Variants in NXPH1 observed in about 807,000 individuals in gnomAD.
The protein encoded by NXPH1 is neurexophilin 1.
In NXPH1, 5 loss-of-function variants were observed where a neutral mutation model predicts 23.7. That is an observed-to-expected ratio of 0.21 (90% confidence interval 0.11 to 0.44). NXPH1 has a LOEUF of 0.44. Among genes scored for constraint, NXPH1 ranks in the 20% least tolerant of loss-of-function variants. The pLI, the probability that NXPH1 is intolerant of heterozygous loss-of-function variation, is 0.99. For synonymous variants in NXPH1, 144 were observed against 122.2 expected (o/e 1.18, Z -1.18); for missense variants, 324 against 321.6 (o/e 1.01, Z -0.06).
chr7:8,471,173 T>C (rs1324582115), intron 2 of NXPH1, among the ~76,000 whole-genome samples: 1 of 152,136 alleles, frequency 6.6e-6, no homozygotes, highest in Non-Finnish European at 1.5e-5. Flanking sequence ...CTGCCGAGTT[T>C]AGCGTCTCAA....
At chr7:8,655,098 C>T (rs1447275773) in intron 2 of NXPH1, among the ~76,000 whole-genome samples, 2 of 152,038 alleles carry the variant, frequency 1.3e-5, no homozygotes, top group African/African-American at 2.4e-5. Flanking sequence ...TGAAAAAATA[C>T]AGGTGGCTGG....
intron 2 of NXPH1, among the ~76,000 whole-genome samples, chr7:8,679,573 C>T (rs889185795): frequency 1.3e-4 from 20 of 151,716 alleles, no homozygotes; most frequent in Middle Eastern, 6.8e-3. Flanking sequence ...CTCAATGTTT[C>T]TTTGTCACAA....
chr7:8,511,056 T>A (rs1202248684), intron 2 of NXPH1, among the ~76,000 whole-genome samples: 1 of 152,130 alleles, frequency 6.6e-6, no homozygotes, highest in East Asian at 1.9e-4. Context: ...AGAAAAACCT[T>A]ATTTTAAGTA....
rs771211259 is a variant in NXPH1 at position 8,751,251 on chromosome 7, C to T, written c.298C>T (p.Pro100Ser). The part of the protein sequence containing the change: ...WLRNSTDLQE[P>S]RPRAKRRPIV... ...GAGGAACTCCACAGACCTTCAAGAG[C>T]CTCGGCCCAGGGCCAAGAGAAGGCC... Residue 100 changes from proline (P) to serine (S), a missense_variant, in exon 3 of 3, where the codon CCT (proline) becomes TCT (serine). By Grantham distance (74) the Pro-to-Ser change is moderately conservative. Transcript: ENST00000405863. This position sits in a 1 kb window ranked among gnomAD's most constrained non-coding sequence, Gnocchi z 4.5. 2.5e-6 allele frequency: 4 copies of T among 1,613,896 alleles called. No individual in the cohort carries two copies. Among genetic ancestry groups the T allele is most frequent in the Admixed American group, 3.3e-5 (2 of 59,966 alleles).
chr7:8,576,457 G>C (rs113862593), intron 2 of NXPH1, among the ~76,000 whole-genome samples: 2 of 152,142 alleles, frequency 1.3e-5, no homozygotes, highest in African/African-American at 4.8e-5. Context: ...CTACTGAAGC[G>C]CAAGGAAACC....
chr7:8,634,349 C>T (rs1820182342), intron 2 of NXPH1, among the ~76,000 whole-genome samples: 1 of 152,140 alleles, frequency 6.6e-6, no homozygotes, highest in Non-Finnish European at 1.5e-5. Flanking sequence ...TCACCTTCCA[C>T]CATGATTGTG....
chr7:8,533,186 T>C (rs540148823), intron 2 of NXPH1, among the ~76,000 whole-genome samples: 2 of 152,260 alleles, frequency 1.3e-5, no homozygotes, highest in East Asian at 3.9e-4. Context: ...ACACCACATA[T>C]TTTACCCACT....
chr7:8,654,255 A>G (rs914820291), intron 2 of NXPH1, among the ~76,000 whole-genome samples: 1 of 152,076 alleles, frequency 6.6e-6, no homozygotes, highest in Non-Finnish European at 1.5e-5. Flanking sequence ...TTTACCACAG[A>G]TTTCCTGGAG....
chr7:8,505,701 C>CA (rs1274220354), intron 2 of NXPH1, among the ~76,000 whole-genome samples: 1 of 152,038 alleles, frequency 6.6e-6, no homozygotes, highest in East Asian at 1.9e-4. Context: ...TAAAGTTTTG[C>CA]ATACACTGAA....
In NXPH1 at chr7:8,640,838, C is replaced by CAGCCTGT. The variant is rs551920491; in HGVS notation, c.55-110169_55-110168insGCCTGTA. On this transcript the variant is annotated intron_variant, in intron 2 of 2. Transcript: ENST00000405863. ...CAGGGTGGTGGCGAGCCTGTAATCC[C>CAGCCTGT]AATGACTCATGGGGCTGGGGCTGTT... Among the ~76,000 whole-genome samples the CAGCCTGT allele has an allele frequency of 1.0e-3, 154 of 152,174 alleles. 1 individual carries two copies. Among genetic ancestry groups the CAGCCTGT allele is most frequent in the African/African-American group, 3.6e-3 (151 of 41,500 alleles).
At chr7:8,696,848 A>AAAAAAAAG (rs1779528854) in intron 2 of NXPH1, among the ~76,000 whole-genome samples, 1 of 150,196 alleles carries the variant, frequency 6.7e-6, no homozygotes, top group Non-Finnish European at 1.5e-5. Flanking sequence ...CTCAAAAAAA[A>AAAAAAAAG]AAAAAAAAAG....
At chr7:8,679,151 G>A (rs1821011454) in intron 2 of NXPH1, among the ~76,000 whole-genome samples, 1 of 151,722 alleles carries the variant, frequency 6.6e-6, no homozygotes, top group African/African-American at 2.4e-5. Flanking sequence ...GTTTCACCGT[G>A]TTAGCCAGGA....
At chr7:8,457,241 A>G (rs530074634) in intron 2 of NXPH1, among the ~76,000 whole-genome samples, 15 of 152,310 alleles carry the variant, frequency 9.8e-5, no homozygotes, top group African/African-American at 3.6e-4. Context: ...ACAGTTGGCA[A>G]CTGACACAAG....
At chr7:8,489,905 T>C (rs1163260665) in intron 2 of NXPH1, among the ~76,000 whole-genome samples, 1 of 152,102 alleles carries the variant, frequency 6.6e-6, no homozygotes, top group Non-Finnish European at 1.5e-5. Flanking sequence ...TCTGATGCCC[T>C]GGTTCAAGGT....
At chr7:8,597,318 G>C (rs535405981) in intron 2 of NXPH1, among the ~76,000 whole-genome samples, 45 of 152,126 alleles carry the variant, frequency 3.0e-4, no homozygotes, top group African/African-American at 9.6e-4. Flanking sequence ...CATGCATGGT[G>C]GACAGACGTG....
At chr7:8,641,069 T>G (rs1018941981) in intron 2 of NXPH1, among the ~76,000 whole-genome samples, 37 of 152,204 alleles carry the variant, frequency 2.4e-4, no homozygotes, top group Non-Finnish European at 5.1e-4. Flanking sequence ...GACTTCCATG[T>G]AAGAACAAAG....
chr7:8,557,964 T>C (rs1190462160), intron 2 of NXPH1, among the ~76,000 whole-genome samples: 1 of 151,686 alleles, frequency 6.6e-6, no homozygotes, highest in African/African-American at 2.4e-5. Flanking sequence ...ATCTCTTCTA[T>C]GTAGACCATT....
chr7:8,443,716 G>A (rs985843164), intron 2 of NXPH1, among the ~76,000 whole-genome samples: 1 of 151,960 alleles, frequency 6.6e-6, no homozygotes, highest in Non-Finnish European at 1.5e-5. Context: ...TAATGCAGAC[G>A]AATGGGGGAT....
At chr7:8,684,415 T>C (rs1188956814) in intron 2 of NXPH1, among the ~76,000 whole-genome samples, 3 of 152,188 alleles carry the variant, frequency 2.0e-5, no homozygotes, top group Non-Finnish European at 4.4e-5. Context: ...TTGACTGTTT[T>C]CTTTCAGGCC....
Sources: allele counts gnomAD v4.1 joint callset (sites outside exome capture counted in the v4.1 genomes callset), GRCh38; gene constraint gnomAD v4.1.1; non-coding constraint Gnocchi (gnomAD v3.1); transcripts MANE v1.5; gene names NCBI Gene and HGNC (gene_info 2026-07-23, HGNC 2026-07-21).